Variants in AOPEP observed in about 807,000 individuals in gnomAD.
AOPEP encodes aminopeptidase O (putative), also known as aminopeptidase O.
AOPEP carries 77 observed loss-of-function variants against 98.1 expected under a neutral mutation model. The ratio of observed to expected loss-of-function variants is 0.78; its 90% CI spans 0.65 to 0.95. The LOEUF is 0.95. Among genes scored for constraint, AOPEP ranks in the 40% least tolerant of loss-of-function variants. AOPEP has a pLI of 0.00. For missense variants in AOPEP, 1,024 were observed against 1,024.7 expected (o/e 1.00, Z 0.01); for synonymous variants, 346 against 365.3 (o/e 0.95, Z 0.60).
At chr9:94,888,294 C>CGTGTGTGTGTGTGTGTGTGT (rs59342995) in intron 5 of AOPEP, among the ~76,000 whole-genome samples, 3 of 137,690 alleles carry the variant, frequency 2.2e-5, no homozygotes, top group African/African-American at 2.7e-5. Flanking sequence ...AGAACCTTAC[C>CGTGTGTGTGTGTGTGTGTGT]GTGTGTGTGT....
chr9:95,011,670 G>A (rs2062535521), intron 13 of AOPEP, among the ~76,000 whole-genome samples: 1 of 152,110 alleles, frequency 6.6e-6, no homozygotes, highest in Non-Finnish European at 1.5e-5. Flanking sequence ...GTAAAAATTA[G>A]GTATGATGGT....
At chr9:95,079,614 C>G (rs2134205836) in intron 14 of AOPEP, among the ~76,000 whole-genome samples, 1 of 152,332 alleles carries the variant, frequency 6.6e-6, no homozygotes, top group Non-Finnish European at 1.5e-5. Context: ...CCGAGCAATG[C>G]CGCCTGCTCC....
chr9:94,913,677 G>A (rs1355025289), intron 5 of AOPEP, among the ~76,000 whole-genome samples: 1 of 152,218 alleles, frequency 6.6e-6, no homozygotes, highest in Non-Finnish European at 1.5e-5. Flanking sequence ...GATAACTTGA[G>A]CAGGCGAATT....
At chr9:94,772,059 G>A (rs1472626840) in intron 2 of AOPEP, among the ~76,000 whole-genome samples, 1 of 152,070 alleles carries the variant, frequency 6.6e-6, no homozygotes, top group African/African-American at 2.4e-5. Flanking sequence ...TGATGTTAAT[G>A]AAAAAAGAAA....
intron 2 of AOPEP, among the ~76,000 whole-genome samples, chr9:94,766,291 C>G (rs1234311789): frequency 6.6e-6 from 1 of 152,242 alleles, no homozygotes; most frequent in Non-Finnish European, 1.5e-5. Flanking sequence ...GTAATCCCAG[C>G]ACTTTGGGAG....
intron 2 of AOPEP, among the ~76,000 whole-genome samples, chr9:94,762,279 C>G (rs1838504247): frequency 6.6e-6 from 1 of 152,094 alleles, no homozygotes; most frequent in East Asian, 1.9e-4. Flanking sequence ...AACCCTGTCT[C>G]TACTAAAAAT....
intron 13 of AOPEP, among the ~76,000 whole-genome samples, chr9:95,012,993 G>A (rs146931570): frequency 7.4e-6 from 1 of 135,452 alleles, no homozygotes; most frequent in Admixed American, 7.3e-5. Context: ...TTTTTGGGGG[G>A]GGGGGCAGGG....
In AOPEP at chr9:94,926,165, C is replaced by T. The variant is rs113561027; in HGVS notation, c.1554+1990C>T. Among the ~76,000 whole-genome samples, 548 of 152,298 alleles carry T rather than the reference C, an allele frequency of 3.6e-3. 1 individual carries two copies. The highest frequency in any genetic ancestry group is 5.5e-3 in the Non-Finnish European group (376 of 68,032). Reference sequence around the variant, plus strand: ...ATCTCCTGCATCTCCAAAGAGTGCTCCTCCTTACCCTTCCCTTTGCCTAGA... The same window carrying T: ...ATCTCCTGCATCTCCAAAGAGTGCTTCTCCTTACCCTTCCCTTTGCCTAGA... On this transcript the variant is annotated intron_variant, in intron 6 of 16. Transcript: ENST00000375315.
At chr9:94,731,213 A>G (rs953163759) in intron 1 of AOPEP, among the ~76,000 whole-genome samples, 1 of 151,792 alleles carries the variant, frequency 6.6e-6, no homozygotes, top group African/African-American at 2.4e-5. Context: ...TTAACAAGTC[A>G]AGAGACTTAT....
chr9:95,119,392 A>C, the AOPEP span, among the ~76,000 whole-genome samples: 1 of 142,816 alleles, frequency 7.0e-6, no homozygotes, highest in Non-Finnish European at 1.5e-5. Context: ...ATTGAGATGG[A>C]GTCTTGCTCT....
At chr9:95,024,497 C>A (rs1018800821) in intron 13 of AOPEP, among the ~76,000 whole-genome samples, 3 of 152,216 alleles carry the variant, frequency 2.0e-5, no homozygotes, top group Non-Finnish European at 2.9e-5. Flanking sequence ...GGAAACGCCA[C>A]CTGGTCATTG....
intron 14 of AOPEP, among the ~76,000 whole-genome samples, chr9:95,067,293 G>C (rs940139845): frequency 6.6e-6 from 1 of 152,222 alleles, no homozygotes; most frequent in African/African-American, 2.4e-5. Context: ...TGCTCTGCGT[G>C]TAATGGTGGA....
chr9:94,980,865 G>T lies in AOPEP; in HGVS notation c.1977+1438G>T, dbSNP rs1374918223. 6.6e-6 allele frequency among the ~76,000 whole-genome samples: 1 copy of T among 152,214 alleles called. No homozygotes were observed. The highest frequency in any genetic ancestry group is 2.4e-5 in the African/African-American group (1 of 41,462). ...GAAAAACAAGTTAAGGTTTGTCTAG[G>T]TGTGAATAACCAACCCTTTTCCTTC... is the stretch of plus-strand genomic sequence containing the variant. On this transcript the variant is annotated intron_variant, in intron 11 of 16. Transcript: ENST00000375315. The surrounding 1 kb of genome is among the most constrained non-coding windows in gnomAD (Gnocchi z 4.3).
chr9:94,881,798 T>C (rs2047616775), intron 5 of AOPEP, among the ~76,000 whole-genome samples: 1 of 152,202 alleles, frequency 6.6e-6, no homozygotes, highest in Non-Finnish European at 1.5e-5. Context: ...GTCAATTTTT[T>C]TGTGTGGAAA....
At chr9:94,892,237 A>G (rs1270896334) in intron 5 of AOPEP, among the ~76,000 whole-genome samples, 1 of 152,198 alleles carries the variant, frequency 6.6e-6, no homozygotes, top group Non-Finnish European at 1.5e-5. Flanking sequence ...GCCAAACTTG[A>G]GAAGTTTTCA....
chr9:94,899,015 A>T lies in AOPEP; in HGVS notation c.1365-24971A>T, dbSNP rs114019230. The stretch of plus-strand genomic sequence containing the variant: ...GGAGAAGCTCCTTGGTATAATATCA[A>T]CTGAAGAAACAAAATGCAATGTCCA... On this transcript the variant is annotated intron_variant, in intron 5 of 16. Coordinates refer to ENST00000375315, the MANE Select transcript of AOPEP (RefSeq NM_001193329.3). Among the ~76,000 whole-genome samples the T allele has an allele frequency of 1.2e-3, 182 of 152,224 alleles. 1 individual carries two copies. The highest frequency in any genetic ancestry group is 4.3e-3 in the African/African-American group (177 of 41,538).
intron 13 of AOPEP, among the ~76,000 whole-genome samples, chr9:95,007,121 C>A (rs754253398): frequency 3.9e-5 from 6 of 152,000 alleles, no homozygotes; most frequent in African/African-American, 1.5e-4. Context: ...AGGATGGTCT[C>A]GATCTCCTGA....
intron 2 of AOPEP, among the ~76,000 whole-genome samples, chr9:94,767,139 CCTTA>C (rs909307532): frequency 9.9e-5 from 15 of 152,230 alleles, no homozygotes; most frequent in South Asian, 8.3e-4. Context: ...CTTTTTTTCC[CCTTA>C]CTTTCTTCAA....
At chr9:95,106,357 A>C in the AOPEP span, among the ~76,000 whole-genome samples, 1 of 152,190 alleles carries the variant, frequency 6.6e-6, no homozygotes, top group Admixed American at 6.5e-5. Context: ...TGTATTCTGA[A>C]TACTAAACTC....
Sources: gnomAD v4.1 joint callset for allele counts (sites outside exome capture counted in the v4.1 genomes callset) on GRCh38, gnomAD v4.1.1 for gene constraint, Gnocchi (gnomAD v3.1) non-coding constraint, MANE v1.5 for transcripts, NCBI Gene and HGNC (gene_info 2026-07-23, HGNC 2026-07-21) for gene names.